STMN4: variants seen among roughly 807,000 people sequenced by gnomAD.
STMN4 encodes the protein stathmin 4, also known as stathmin-4.
STMN4 carries 12 observed loss-of-function variants against 29.1 expected under a neutral mutation model. The observed-to-expected ratio is 0.41, with a 90% CI of 0.26 to 0.67. The LOEUF (loss-of-function observed/expected upper bound fraction) is 0.67, where lower values mean the gene tolerates loss of function less well. Ranked by LOEUF, STMN4 falls within the 30% of genes least tolerant of loss-of-function variation. The pLI, the probability that STMN4 is intolerant of heterozygous loss-of-function variation, is 0.30. For missense variants in STMN4, 181 were observed against 262.8 expected (o/e 0.69, Z 2.15); for synonymous variants, 114 against 105.3 (o/e 1.08, Z -0.51).
intron 1 of STMN4, among the ~76,000 whole-genome samples, chr8:27,245,324 C>A (rs966089050): frequency 6.6e-6 from 1 of 152,240 alleles, no homozygotes; most frequent in African/African-American, 2.4e-5. Context: ...CAAGTAAGGA[C>A]TGTTGTTGCC....
chr8:27,244,829 G>A (rs954743982), intron 1 of STMN4, among the ~76,000 whole-genome samples: 7 of 152,292 alleles, frequency 4.6e-5, no homozygotes, highest in Admixed American at 6.5e-5. Flanking sequence ...GGTGATGGGA[G>A]CCCATGAAGG....
intron 2 of STMN4, 81 bp downstream of exon 2, chr8:27,243,630 C>T (rs749467467): frequency 5.0e-5 from 74 of 1,472,766 alleles, no homozygotes; most frequent in Non-Finnish European, 6.1e-5. Context: ...CAGCTGTGTT[C>T]TTCCCTGCTT....
In STMN4 at chr8:27,241,198, G is replaced by A. The variant is rs149089268; in HGVS notation, c.255C>T (p.Cys85=). 240 of 1,614,120 alleles carry A rather than the reference G, an allele frequency of 1.5e-4. No individual in the cohort carries two copies. Among genetic ancestry groups the A allele is most frequent in the Non-Finnish European group, 1.5e-4 (173 of 1,180,054 alleles). The change falls in exon 5 of 7, where the codon TGC becomes TGT. Residue 85 remains cysteine (C), a synonymous_variant. Transcript: ENST00000350889. The stretch of plus-strand genomic sequence containing the variant: ...TGACTTCAAAGGATTGGCCCGAGGT[G>A]CATTTGTTCAGCTCGATGACTTCCA... ...SDMEVIELNK[C]TSGQSFEVIL...
intron 4 of STMN4, 140 bp from the exon 5 acceptor site, chr8:27,241,402 C>T: frequency 1.0e-6 from 1 of 992,226 alleles, no homozygotes. Flanking sequence ...GTCCTACACC[C>T]TAGTACCTAA....
At chr8:27,257,832 T>A (rs1297237350) in intron 1 of STMN4, among the ~76,000 whole-genome samples, 3 of 151,490 alleles carry the variant, frequency 2.0e-5, no homozygotes. Flanking sequence ...CAAGAGGAGG[T>A]GATGATCTCA....
chr8:27,237,174 C>T (rs747396724), intron 6 of STMN4, among the ~76,000 whole-genome samples: 17 of 152,070 alleles, frequency 1.1e-4, no homozygotes, highest in Admixed American at 3.3e-4. Context: ...CCATGGGCCA[C>T]GCAGCCTCCC....
rs1801460822 is a variant in STMN4, at chr8:27,241,237, G to A, written c.216C>T (p.Cys72=). 7 of 1,614,050 alleles carry A rather than the reference G, an allele frequency of 4.3e-6. No individual in the cohort carries two copies. Among genetic ancestry groups the A allele is most frequent in the South Asian group, 3.3e-5 (3 of 91,082 alleles). Residue 72 remains cysteine (C), a synonymous_variant, in exon 5 of 7, where the codon TGC becomes TGT. Transcript: ENST00000350889. The part of the protein sequence containing the change: ...AQADTVDLNW[C]VISDMEVIEL... The stretch of plus-strand genomic sequence containing the variant: ...CGATGACTTCCATGTCGGAAATGAC[G>A]CACCAATTCAGGTCCACCGTGTCTG...
chr8:27,247,869 A>C (rs1233064377), intron 1 of STMN4, among the ~76,000 whole-genome samples: 1 of 152,254 alleles, frequency 6.6e-6, no homozygotes, highest in Non-Finnish European at 1.5e-5. Flanking sequence ...CCAGTGCAGA[A>C]GCAAACCTCC....
At chr8:27,239,107 CCAGGGCCTACGCAACATT>C in intron 6 of STMN4, 1 of 1,251,662 alleles carries the variant, frequency 8.0e-7, no homozygotes, top group Non-Finnish European at 1.1e-6. Flanking sequence ...CTGGCCAGCT[CCAGGGCCTACGCAACATT>C]CAGACACCTT....
chr8:27,240,797 T>C (rs1801447398), intron 5 of STMN4, among the ~76,000 whole-genome samples: 1 of 152,164 alleles, frequency 6.6e-6, no homozygotes, highest in Admixed American at 6.5e-5. Flanking sequence ...TTTGCCACCA[T>C]GCATATAGGG....
chr8:27,256,977 G>T (rs1801959678), intron 1 of STMN4, among the ~76,000 whole-genome samples: 1 of 152,140 alleles, frequency 6.6e-6, no homozygotes, highest in Non-Finnish European at 1.5e-5. Flanking sequence ...GGAGTGGCCT[G>T]GGTGGAGCTG....
At chr8:27,244,591 T>C (rs1293458403) in intron 1 of STMN4, among the ~76,000 whole-genome samples, 1 of 152,162 alleles carries the variant, frequency 6.6e-6, no homozygotes, top group Non-Finnish European at 1.5e-5. Flanking sequence ...CGGTAGCACC[T>C]GAGCAGTGCC....
At chr8:27,254,571 G>A (rs948879056) in intron 1 of STMN4, among the ~76,000 whole-genome samples, 1 of 152,148 alleles carries the variant, frequency 6.6e-6, no homozygotes, top group Non-Finnish European at 1.5e-5. Flanking sequence ...TTTGGGCTTC[G>A]GTGGGGAGGG....
At chr8:27,243,912 T>G in intron 1 of STMN4, 111 bp from the exon 2 acceptor site, 1 of 958,828 alleles carries the variant, frequency 1.0e-6, no homozygotes, top group Non-Finnish European at 1.6e-6. Flanking sequence ...TCATTTGCTC[T>G]TCCTCCAGGC....
intron 6 of STMN4, chr8:27,239,304 G>A: frequency 3.9e-6 from 6 of 1,535,482 alleles, no homozygotes; most frequent in Non-Finnish European, 5.2e-6. Context: ...CAGAGCTGGA[G>A]CTCTCCCAGG....
chr8:27,257,442 C>A (rs73239486), intron 1 of STMN4, among the ~76,000 whole-genome samples: 9,285 of 144,716 alleles, frequency 0.064, 402 homozygotes, highest in Non-Finnish European at 0.092. Context: ...CTGACCTCTC[C>A]CTCCGACCCC....
intron 2 of STMN4, among the ~76,000 whole-genome samples, chr8:27,243,010 C>A (rs1801520632): frequency 6.6e-6 from 1 of 152,188 alleles, no homozygotes; most frequent in South Asian, 2.1e-4. Flanking sequence ...CCTTCTCTGA[C>A]CTTTCCAACA....
chr8:27,248,298 G>A (rs1801686927), intron 1 of STMN4, among the ~76,000 whole-genome samples: 1 of 152,156 alleles, frequency 6.6e-6, no homozygotes. Flanking sequence ...AAAGATTCGA[G>A]TGTGGCCTCA....
chr8:27,239,707 TA>T, intron 6 of STMN4: 1 of 1,446,622 alleles, frequency 6.9e-7, no homozygotes, highest in Non-Finnish European at 9.0e-7. Context: ...ATCAGACATA[TA>T]TGCTCCCTAA....
Sources: gnomAD v4.1 joint callset for allele counts (sites outside exome capture counted in the v4.1 genomes callset) on GRCh38, gnomAD v4.1.1 for gene constraint, MANE v1.5 for transcripts, NCBI Gene and HGNC (gene_info 2026-07-23, HGNC 2026-07-21) for gene names.